Variants in NACC2 observed in about 807,000 individuals in gnomAD.
The protein encoded by NACC2 is NACC family member 2, also known as nucleus accumbens-associated protein 2.
A neutral mutation model predicts 25.1 loss-of-function variants in NACC2; 8 were observed. The ratio of observed to expected loss-of-function variants is 0.32; its 90% CI spans 0.19 to 0.57. The LOEUF (loss-of-function observed/expected upper bound fraction) is 0.57. Ranked by LOEUF, NACC2 falls within the 20% of genes least tolerant of loss-of-function variation. The pLI is 0.89. For missense variants in NACC2, 644 were observed against 650.2 expected (o/e 0.99, Z 0.10); for synonymous variants, 435 against 294.7 (o/e 1.48, Z -4.88).
chr9:136,080,092 C>A (rs1053816681), intron 1 of NACC2, among the ~76,000 whole-genome samples: 2 of 152,214 alleles, frequency 1.3e-5, no homozygotes, highest in Admixed American at 1.3e-4. Context: ...ACAGTCCCTA[C>A]CCCGGGCGTG....
intron 1 of NACC2, among the ~76,000 whole-genome samples, chr9:136,089,206 CT>C (rs963480728): frequency 1.5e-4 from 23 of 152,098 alleles, no homozygotes; most frequent in African/African-American, 5.6e-4. Flanking sequence ...GAGCCTCCCC[CT>C]GCCAGGGGAC....
At position 136,007,772 on chromosome 9, in the gene NACC2, C is replaced by G. The variant is rs534796019; in HGVS notation, c.*3744G>C. 1 of 152,218 alleles carries G rather than the reference C, an allele frequency of 6.6e-6. No individual in the cohort carries two copies. The highest frequency in any genetic ancestry group is 1.5e-5 in the Non-Finnish European group (1 of 68,076). The allele number at this position is 152,218 out of a possible 1,614,324, so 9.4% of individuals were successfully genotyped here. On this transcript the variant is annotated 3_prime_UTR_variant, in exon 6 of 6. Coordinates refer to ENST00000277554, the MANE Select transcript of NACC2 (RefSeq NM_144653.5). Reference sequence around the variant, plus strand: ...CCATAGATCTTTTTCCACTTGCTGCCAAGATGTTTCCATAAAAATTTCCCT... The same window carrying G: ...CCATAGATCTTTTTCCACTTGCTGCGAAGATGTTTCCATAAAAATTTCCCT...
chr9:136,091,672 A>C (rs1168044317), intron 1 of NACC2, among the ~76,000 whole-genome samples: 1 of 152,168 alleles, frequency 6.6e-6, no homozygotes, highest in Non-Finnish European at 1.5e-5. Flanking sequence ...CCCAAACCGT[A>C]AACAGCAAAC....
chr9:136,080,278 CCTT>C lies in NACC2; in HGVS notation c.-60+14908_-60+14910del, dbSNP rs754289446. On this transcript the variant is annotated intron_variant, in intron 1 of 5. Coordinates refer to ENST00000277554, the MANE Select transcript of NACC2 (RefSeq NM_144653.5). ...GCCCCCGCACCCATCTCTGTGCTCT[CCTT>C]CTCTGAGCCCAGGCCCCTTCGCTGC... Among the ~76,000 whole-genome samples, 3 of 152,216 alleles carry C rather than the reference CCTT, an allele frequency of 2.0e-5. No individual in the cohort carries two copies. The East Asian group carries it at 5.8e-4, about 29-fold the overall frequency.
intron 1 of NACC2, among the ~76,000 whole-genome samples, chr9:136,056,056 G>A (rs4842094): frequency 4.6e-5 from 7 of 152,010 alleles, no homozygotes; most frequent in African/African-American, 9.7e-5. Flanking sequence ...AGGAGGATTT[G>A]CTTTGACCCT....
In NACC2 at chr9:136,019,650, C is replaced by T. The variant is rs567008551; in HGVS notation, c.887-3221G>A. On this transcript the variant is annotated intron_variant, in intron 2 of 5. Coordinates refer to ENST00000277554, the MANE Select transcript of NACC2 (RefSeq NM_144653.5). The surrounding 1 kb of genome is among the most constrained non-coding windows in gnomAD (Gnocchi z 5.2). Reference sequence around the variant, plus strand: ...GCACCAGGGTCACGACGAGAGGGCCCGGAGCAGCAGCCTCCCGGGCAGCAG... The same window carrying T: ...GCACCAGGGTCACGACGAGAGGGCCTGGAGCAGCAGCCTCCCGGGCAGCAG... Among the ~76,000 whole-genome samples the T allele has an allele frequency of 1.4e-3, 217 of 152,300 alleles. 2 individuals are homozygous for T. Among genetic ancestry groups the T allele is most frequent in the East Asian group, 5.4e-3 (28 of 5,168 alleles).
At chr9:136,024,726 G>A (rs1369676293) in intron 2 of NACC2, among the ~76,000 whole-genome samples, 1 of 152,162 alleles carries the variant, frequency 6.6e-6, no homozygotes, top group Non-Finnish European at 1.5e-5. Context: ...TTCCCACTGT[G>A]GATATGAGGG....
At chr9:136,041,723 ATTACT>A (rs1180797779) in intron 2 of NACC2, among the ~76,000 whole-genome samples, 1 of 152,232 alleles carries the variant, frequency 6.6e-6, no homozygotes, top group African/African-American at 2.4e-5. Context: ...ACACTGGATT[ATTACT>A]TTAAACAGAT....
intron 1 of NACC2, among the ~76,000 whole-genome samples, chr9:136,054,788 CT>C (rs1483699840): frequency 6.6e-6 from 1 of 152,184 alleles, no homozygotes; most frequent in Non-Finnish European, 1.5e-5. Flanking sequence ...ATGGAAAGTT[CT>C]GCAGAGCCAG....
At chr9:136,045,584 T>A (rs1254077231) in intron 2 of NACC2, among the ~76,000 whole-genome samples, 27 of 152,232 alleles carry the variant, frequency 1.8e-4, no homozygotes, top group African/African-American at 6.3e-4. Context: ...TGGGCGCAGG[T>A]CCGGGCAGCC....
Position 136,011,507 on chromosome 9 carries a change from C to G in NACC2, c.*9G>C. 1 of 1,375,280 alleles carries G rather than the reference C, an allele frequency of 7.3e-7. No homozygotes were observed. The highest frequency in any genetic ancestry group is 9.4e-7 in the Non-Finnish European group (1 of 1,067,128). 85.2% of individuals were successfully genotyped at this position (1,375,280 alleles called of 1,614,324 possible). On this transcript the variant is annotated 3_prime_UTR_variant, in exon 6 of 6. Coordinates refer to ENST00000277554, the MANE Select transcript of NACC2 (RefSeq NM_144653.5). ...GTACTCGGTCCCTCGCGCAGCCACC[C>G]AGCTCCGCTTACAAGGTCCCTGCAT...
chr9:136,020,980 G>T lies in NACC2; in HGVS notation c.887-4551C>A, dbSNP rs1840282788. Among the ~76,000 whole-genome samples, 1 of 152,108 alleles carries T rather than the reference G, an allele frequency of 6.6e-6. No homozygotes were observed. The highest frequency in any genetic ancestry group is 2.1e-4 in the South Asian group (1 of 4,826). On this transcript the variant is annotated intron_variant, in intron 2 of 5. Transcript: ENST00000277554. The surrounding 1 kb of genome is among the most constrained non-coding windows in gnomAD (Gnocchi z 4.7). ...GAAGGTCTTTATGAGCTTAGGTTAAGCTAAAGTCTTAGACAAGGCCCCCAA... is the reference window on the plus strand; with the variant it reads ...GAAGGTCTTTATGAGCTTAGGTTAATCTAAAGTCTTAGACAAGGCCCCCAA...
rs1830353515 is a variant in NACC2, at chr9:136,084,081, C to G, written c.-60+11108G>C. Among the ~76,000 whole-genome samples the G allele has an allele frequency of 6.6e-6, 1 of 152,022 alleles. No individual in the cohort carries two copies. ...GAGCGGGGAGGTAGGGAAGGTGGTGCTCGCTGAGGGTGTCCCTCACTCAGT... is the reference window on the plus strand; with the variant it reads ...GAGCGGGGAGGTAGGGAAGGTGGTGGTCGCTGAGGGTGTCCCTCACTCAGT... On this transcript the variant is annotated intron_variant, in intron 1 of 5. Transcript: ENST00000277554. This position sits in a 1 kb window ranked among gnomAD's most constrained non-coding sequence, Gnocchi z 5.1.
chr9:136,070,081 C>T (rs143168542), intron 1 of NACC2, among the ~76,000 whole-genome samples: 1 of 151,848 alleles, frequency 6.6e-6, no homozygotes, highest in Non-Finnish European at 1.5e-5. Context: ...CTTTACAAGA[C>T]TTAAAATTAC....
chr9:136,064,890 T>C (rs1841062079), intron 1 of NACC2, among the ~76,000 whole-genome samples: 1 of 152,180 alleles, frequency 6.6e-6, no homozygotes, highest in Non-Finnish European at 1.5e-5. Flanking sequence ...CAGATGAGTC[T>C]ACAAATGTAT....
intron 3 of NACC2, among the ~76,000 whole-genome samples, chr9:136,014,654 T>C (rs1025767803): frequency 4.6e-5 from 7 of 152,192 alleles, no homozygotes; most frequent in African/African-American, 1.7e-4. Context: ...GTCTTTGCCT[T>C]TCTGCTCCGT....
chr9:136,079,556 C>T (rs1030307931), intron 1 of NACC2, among the ~76,000 whole-genome samples: 4 of 152,278 alleles, frequency 2.6e-5, no homozygotes, highest in East Asian at 1.9e-4. Context: ...GAGAATGACA[C>T]GAAGGAACAG....
intron 2 of NACC2, among the ~76,000 whole-genome samples, chr9:136,047,746 G>A (rs967920261): frequency 3.3e-5 from 5 of 152,110 alleles, no homozygotes; most frequent in Non-Finnish European, 5.9e-5. Flanking sequence ...TCCTGGCTGC[G>A]GTCCTGCTGA....
chr9:136,069,008 G>T (rs1479129553), intron 1 of NACC2, among the ~76,000 whole-genome samples: 1 of 150,838 alleles, frequency 6.6e-6, no homozygotes, highest in Non-Finnish European at 1.5e-5. Flanking sequence ...CCAGGTTCAA[G>T]CAATTCTCCT....
Sources: gnomAD v4.1 joint callset for allele counts (sites outside exome capture counted in the v4.1 genomes callset) on GRCh38, gnomAD v4.1.1 for gene constraint, Gnocchi (gnomAD v3.1) non-coding constraint, MANE v1.5 for transcripts, NCBI Gene and HGNC (gene_info 2026-07-23, HGNC 2026-07-21) for gene names.